The following SGSM2 variants were observed in gnomAD, a reference collection of about 807,000 sequenced individuals.
The protein encoded by SGSM2 is small G protein signaling modulator 2, also known as RUN and TBC1 domain containing 1.
A neutral mutation model predicts 126.6 loss-of-function variants in SGSM2; 89 were observed. That is an observed-to-expected ratio of 0.70 (90% confidence interval 0.59 to 0.84). SGSM2 has a LOEUF of 0.84. SGSM2 is among the 40% of genes least tolerant of loss of function. The pLI, the probability that SGSM2 is intolerant of heterozygous loss-of-function variation, is 0.00. For missense variants in SGSM2, 1,404 were observed against 1,416.6 expected (o/e 0.99, Z 0.14); for synonymous variants, 614 against 574.3 (o/e 1.07, Z -0.99).
Position 2,363,974 on chromosome 17 carries a change from T to A in SGSM2, c.808-85T>A. ...ACTAGCCTAGCTTGGCCTCCCCTCC[T>A]CCCAGCGGGAGCTCATTTCTCATAG... is the stretch of plus-strand genomic sequence containing the variant. On this transcript the variant is annotated intron_variant, in intron 7 of 23. Transcript: ENST00000268989. This position sits in a 1 kb window ranked among gnomAD's most constrained non-coding sequence, Gnocchi z 4.2. 1 of 1,571,196 alleles carries A rather than the reference T, an allele frequency of 6.4e-7. No homozygotes were observed. Among genetic ancestry groups the A allele is most frequent in the South Asian group, 1.1e-5 (1 of 89,628 alleles).
chr17:2,338,428 C>T (rs531203304), intron 1 of SGSM2, among the ~76,000 whole-genome samples: 13 of 152,232 alleles, frequency 8.5e-5, no homozygotes, highest in Admixed American at 7.8e-4. Flanking sequence ...CCCAAAAGCC[C>T]ATTTCCATTT....
rs2065936709 is a variant in SGSM2, at chr17:2,372,812, G to C, written c.1789-141G>C. ...GTGAGCTGGGGCACGGGAGGACGTG[G>C]CCACCCCAAAGCAGGCCTTGCCTGG... On this transcript the variant is annotated intron_variant, in intron 15 of 23. Transcript: ENST00000268989. This position sits in a 1 kb window ranked among gnomAD's most constrained non-coding sequence, Gnocchi z 6.0. The C allele has an allele frequency of 1.7e-6, 2 of 1,184,984 alleles. No individual in the cohort carries two copies. The highest frequency in any genetic ancestry group is 2.3e-6 in the Non-Finnish European group (2 of 861,298). The allele number at this position is 1,184,984 out of a possible 1,614,324, so 73.4% of individuals were successfully genotyped here.
At chr17:2,340,882 C>T (rs1319309741) in intron 1 of SGSM2, among the ~76,000 whole-genome samples, 3 of 152,178 alleles carry the variant, frequency 2.0e-5, no homozygotes, top group African/African-American at 7.2e-5. Flanking sequence ...CCACGCCTGG[C>T]CCAGTGTTTA....
chr17:2,361,907 G>C, intron 3 of SGSM2, 108 bp downstream of exon 3: 2 of 1,402,694 alleles, frequency 1.4e-6, no homozygotes, highest in Non-Finnish European at 9.6e-7. Flanking sequence ...CCTGTTCCTT[G>C]CAGGGCCTCT....
chr17:2,362,161 G>A lies in SGSM2; in HGVS notation c.349G>A (p.Gly117Arg), dbSNP rs527539963. The A allele has an allele frequency of 6.8e-6, 11 of 1,613,918 alleles. No homozygotes were observed. Among genetic ancestry groups the A allele is most frequent in the African/African-American group, 6.7e-5 (5 of 75,062 alleles). ...EALRRQGSAS[G>R]KAPALSPQAL... ...CCTGCGGAGACAGGGCTCAGCCAGC[G>A]GGAAGGCCCCGGCCCTCAGCCCTCA... is the stretch of plus-strand genomic sequence containing the variant. Residue 117 changes from glycine (G) to arginine (R), a missense_variant, in exon 4 of 24, where the codon GGG (glycine) becomes AGG (arginine). Gly to Arg is a moderately radical substitution (Grantham distance 125, BLOSUM62 -2). Transcript: ENST00000268989. The surrounding 1 kb of genome is among the most constrained non-coding windows in gnomAD (Gnocchi z 4.9).
At chr17:2,365,097 G>C (rs774057498) in intron 10 of SGSM2, 40 bp downstream of exon 10, 1 of 1,603,828 alleles carries the variant, frequency 6.2e-7, no homozygotes, top group Non-Finnish European at 8.5e-7. Context: ...GGCTGTGTGT[G>C]GGGTTCTCTG....
chr17:2,362,834 G>A lies in SGSM2; in HGVS notation c.459-4G>A, dbSNP rs542570752. 16 of 1,613,956 alleles carry A rather than the reference G, an allele frequency of 9.9e-6. No individual in the cohort carries two copies. In the African/African-American group the frequency reaches 1.3e-4, roughly 13 times the overall value. On this transcript the variant is annotated splice_polypyrimidine_tract_variant and splice_region_variant and intron_variant, in intron 4 of 23. Coordinates refer to ENST00000268989, the MANE Select transcript of SGSM2 (RefSeq NM_014853.3). The surrounding 1 kb of genome is among the most constrained non-coding windows in gnomAD (Gnocchi z 4.9). Reference sequence around the variant, plus strand: ...CGGCAGTCACACTGTCTGTCTCCTGGCAGCAAGTACTACGAGAAGGAGGCA... The same window carrying A: ...CGGCAGTCACACTGTCTGTCTCCTGACAGCAAGTACTACGAGAAGGAGGCA...
intron 2 of SGSM2, among the ~76,000 whole-genome samples, chr17:2,350,597 G>T (rs551894740): frequency 7.9e-5 from 12 of 151,950 alleles, no homozygotes; most frequent in African/African-American, 2.9e-4. Context: ...CAGCCTGGGC[G>T]ACAGAGTGAG....
At chr17:2,371,084 G>A (rs73296287) in intron 12 of SGSM2, among the ~76,000 whole-genome samples, 178 bp from the exon 13 acceptor site, 11,483 of 152,210 alleles carry the variant, frequency 0.075, 645 homozygotes, top group African/African-American at 0.15. Flanking sequence ...AGTGTCAGGC[G>A]CCCTCTCTCC....
At position 2,363,735 on chromosome 17, in the gene SGSM2, CCT is replaced by C; in HGVS notation, c.807+137_807+138del. ...GAGAATGGCCCCAGCCTCCCAACTC[CCT>C]GTTTCACACGACTCACGCCCAGCCT... On this transcript the variant is annotated intron_variant, in intron 7 of 23. Coordinates refer to ENST00000268989, the MANE Select transcript of SGSM2 (RefSeq NM_014853.3). This position sits in a 1 kb window ranked among gnomAD's most constrained non-coding sequence, Gnocchi z 4.2. The C allele has an allele frequency of 2.3e-6, 3 of 1,306,852 alleles. No individual in the cohort carries two copies. Among genetic ancestry groups the C allele is most frequent in the Non-Finnish European group, 3.1e-6 (3 of 958,730 alleles). The allele number at this position is 1,306,852 out of a possible 1,614,324, so 81.0% of individuals were successfully genotyped here.
At chr17:2,357,482 G>T (rs1010444868) in intron 2 of SGSM2, among the ~76,000 whole-genome samples, 1 of 152,084 alleles carries the variant, frequency 6.6e-6, no homozygotes, top group African/African-American at 2.4e-5. Flanking sequence ...GGATGGGATT[G>T]GAGACTATTA....
At position 2,362,642 on chromosome 17, in the gene SGSM2, CA is replaced by C. The variant is rs1186112581; in HGVS notation, c.459-195del. ...CCGTGACAGCCTGTAGGCAACCCTCCATCTCCCCGTCCCCTTCGGTGCCCTC... is the reference window on the plus strand; with the variant it reads ...CCGTGACAGCCTGTAGGCAACCCTCCTCTCCCCGTCCCCTTCGGTGCCCTC... On this transcript the variant is annotated intron_variant, in intron 4 of 23. Transcript: ENST00000268989. The surrounding 1 kb of genome is among the most constrained non-coding windows in gnomAD (Gnocchi z 4.9). 1.3e-5 allele frequency among the ~76,000 whole-genome samples: 2 copies of C among 152,232 alleles called. No homozygotes were observed. The highest frequency in any genetic ancestry group is 1.3e-4 in the Admixed American group (2 of 15,288).
rs1167542018 is a variant in SGSM2 at position 2,379,452 on chromosome 17, G to A, written c.3088G>A (p.Ala1030Thr). 1.2e-5 allele frequency: 19 copies of A among 1,613,502 alleles called. No homozygotes were observed. The highest frequency in any genetic ancestry group is 1.6e-4 in the Middle Eastern group (1 of 6,062). ...FFNERAEHHD[A>T]QEILRIARDL... ...CCCAGAACGTGCTGAGCATCACGAT[G>A]CCCAGGAGATCCTGCGGATTGCCCG... The change falls in exon 24 of 24, where the codon GCC (alanine) becomes ACC (threonine). Residue 1030 changes from alanine (A) to threonine (T), a missense_variant. By Grantham distance (58) the Ala-to-Thr change is moderately conservative (BLOSUM62 0). Transcript: ENST00000268989.
chr17:2,351,302 C>T (rs952965576), intron 2 of SGSM2, among the ~76,000 whole-genome samples: 1 of 151,914 alleles, frequency 6.6e-6, no homozygotes, highest in Non-Finnish European at 1.5e-5. Context: ...CTCTGTCTTG[C>T]TCCAGACTCT....
At chr17:2,344,137 T>C (rs1429527244) in intron 2 of SGSM2, among the ~76,000 whole-genome samples, 1 of 152,210 alleles carries the variant, frequency 6.6e-6, no homozygotes, top group East Asian at 1.9e-4. Flanking sequence ...AGCCTGAGCG[T>C]GGGCTAGGAG....
At chr17:2,368,334 G>C (rs1195654706) in intron 12 of SGSM2, among the ~76,000 whole-genome samples, 3 of 152,134 alleles carry the variant, frequency 2.0e-5, no homozygotes, top group African/African-American at 7.2e-5. Flanking sequence ...GGCTGGGATG[G>C]GTGCTCCAGA....
At chr17:2,371,239 C>T in intron 12 of SGSM2, 23 bp from the exon 13 acceptor site, 1 of 1,604,340 alleles carries the variant, frequency 6.2e-7, no homozygotes, top group African/African-American at 1.3e-5. Flanking sequence ...AGGCCCTGAC[C>T]ATGCCACCCT....
At chr17:2,373,280 G>C (rs747711185) in intron 16 of SGSM2, 51 bp from the exon 17 acceptor site, 18 of 1,584,442 alleles carry the variant, frequency 1.1e-5, no homozygotes, top group African/African-American at 2.7e-5. Context: ...CTCCTGAAGG[G>C]GAGGGCCTGG....
intron 17 of SGSM2, chr17:2,375,196 G>A (rs1024181413): frequency 3.2e-6 from 1 of 314,072 alleles, no homozygotes; most frequent in Non-Finnish European, 5.9e-6. Context: ...ACTGGCCATT[G>A]AGCGTTCAGC....
Sources: allele counts gnomAD v4.1 joint callset (sites outside exome capture counted in the v4.1 genomes callset), GRCh38; gene constraint gnomAD v4.1.1; non-coding constraint Gnocchi (gnomAD v3.1); transcripts MANE v1.5; gene names NCBI Gene and HGNC (gene_info 2026-07-23, HGNC 2026-07-21).